The following ENO4 variants were observed in gnomAD, a reference collection of about 807,000 sequenced individuals.
The protein encoded by ENO4 is 2-phospho-D-glycerate hydro-lyase.
A neutral mutation model predicts 63.2 loss-of-function variants in ENO4; 53 were observed. The observed-to-expected ratio is 0.84, with a 90% CI of 0.67 to 1.05. The LOEUF (loss-of-function observed/expected upper bound fraction) is 1.05, where lower values mean the gene tolerates loss of function less well. Ranked by LOEUF, ENO4 falls within the 50% of genes least tolerant of loss-of-function variation. The pLI is 0.00. For synonymous variants in ENO4, 266 were observed against 283.8 expected, an observed-to-expected ratio of 0.94 and a Z score of 0.63; for missense variants, 719 against 772.0, an observed-to-expected ratio of 0.93 and a Z score of 0.81.
At chr10:116,865,069 A>G (rs1846515938) in intron 7 of ENO4, among the ~76,000 whole-genome samples, 1 of 152,200 alleles carries the variant, frequency 6.6e-6, no homozygotes, top group South Asian at 2.1e-4. Context: ...TTAAAATAAT[A>G]CAACAAATTA....
intron 9 of ENO4, among the ~76,000 whole-genome samples, chr10:116,872,949 A>G (rs1846736775): frequency 6.6e-6 from 1 of 152,154 alleles, no homozygotes; most frequent in Non-Finnish European, 1.5e-5. Context: ...TATTCTTCAC[A>G]TAATGATTGG....
chr10:116,911,626 T>C (rs1242215375), exon 11 of ENO4: 2 of 1,554,828 alleles, frequency 1.3e-6, no homozygotes, highest in Non-Finnish European at 8.7e-7. Flanking sequence ...TATTAACATA[T>C]GTGATGGAGC....
intron 10 of ENO4, among the ~76,000 whole-genome samples, chr10:116,899,506 G>GGTGTGTGTGTGTGTGTGTGTGTGT (rs370396879): frequency 8.9e-4 from 111 of 124,570 alleles, no homozygotes; most frequent in African/African-American, 3.0e-3. Flanking sequence ...GGCTGGGGCT[G>GGTGTGTGTGTGTGTGTGTGTGTGT]GTGTGTGTGT....
At chr10:116,871,085 GTGC>G (rs1393940994) in intron 8 of ENO4, 37 bp from the exon 9 acceptor site, 1 of 1,536,752 alleles carries the variant, frequency 6.5e-7, no homozygotes, top group African/African-American at 1.4e-5. Context: ...GAACCTTAAT[GTGC>G]TGTATTGACA....
intron 10 of ENO4, chr10:116,901,158 A>C: frequency 1.0e-6 from 1 of 985,424 alleles, no homozygotes; most frequent in South Asian, 4.7e-5. Context: ...GACTAATTTC[A>C]AAAAAGAGCT....
At chr10:116,881,056 AC>A (rs1027089819) in intron 13 of ENO4, among the ~76,000 whole-genome samples, 1 of 151,964 alleles carries the variant, frequency 6.6e-6, no homozygotes, top group Non-Finnish European at 1.5e-5. Context: ...AAATCTCTCC[AC>A]TCCCACTTTA....
chr10:116,874,252 TAGGC>T (rs1846772461), intron 10 of ENO4, 51 bp downstream of exon 10: 31 of 1,371,894 alleles, frequency 2.3e-5, no homozygotes, highest in Non-Finnish European at 3.0e-5. Context: ...TGCCATAAGA[TAGGC>T]AGGACTCACC....
At chr10:116,900,045 C>A (rs985768135) in intron 10 of ENO4, among the ~76,000 whole-genome samples, 1 of 152,172 alleles carries the variant, frequency 6.6e-6, no homozygotes, top group Non-Finnish European at 1.5e-5. Context: ...ATTACCTATA[C>A]ATACACAGAA....
In ENO4 at chr10:116,849,578, A is replaced by C. The variant is rs1427580461; in HGVS notation, c.12A>C (p.Glu4Asp). The change falls in exon 1 of 14, where the codon GAA (glutamate) becomes GAC (aspartate). Residue 4 changes from glutamate (E) to aspartate (D), a missense_variant. By Grantham distance (45) the Glu-to-Asp change is conservative (BLOSUM62 2). Transcript: ENST00000341276. ...TTAAATCTCCTACCATGGAGGAAGAAGGCGGCGGCCGCAGCTGTGGGACCA... is the reference window on the plus strand; with the variant it reads ...TTAAATCTCCTACCATGGAGGAAGACGGCGGCGGCCGCAGCTGTGGGACCA... Reference protein sequence around the residue: MEEEGGGRSCGTTR... With the variant: MEEDGGGRSCGTTR... 1.3e-6 allele frequency: 2 copies of C among 1,543,568 alleles called. No homozygotes were observed. The highest frequency in any genetic ancestry group is 1.7e-6 in the Non-Finnish European group (2 of 1,143,854).
chr10:116,911,551 A>G, exon 11 of ENO4: 1 of 1,550,710 alleles, frequency 6.4e-7, no homozygotes, highest in Non-Finnish European at 8.7e-7. Flanking sequence ...AACAGGAAAC[A>G]ATGACTTTGG....
intron 1 of ENO4, among the ~76,000 whole-genome samples, chr10:116,854,758 C>T (rs1161442575): frequency 6.6e-6 from 1 of 150,810 alleles, no homozygotes; most frequent in Non-Finnish European, 1.5e-5. Context: ...GCCTGAGCAA[C>T]ATAATAAGAT....
At chr10:116,872,133 G>T (rs1240122401) in intron 9 of ENO4, among the ~76,000 whole-genome samples, 1 of 152,132 alleles carries the variant, frequency 6.6e-6, no homozygotes, top group Non-Finnish European at 1.5e-5. Flanking sequence ...GGAGGCGGAG[G>T]TTGCAGTGAG....
At chr10:116,875,904 G>A (rs1288089129) in intron 10 of ENO4, among the ~76,000 whole-genome samples, 161 bp from the exon 11 acceptor site, 3 of 152,192 alleles carry the variant, frequency 2.0e-5, no homozygotes, top group African/African-American at 7.2e-5. Context: ...TTCTTAGTTT[G>A]TGTGGCTGTG....
chr10:116,878,742 C>CTTTTT lies in ENO4; in HGVS notation c.1538-535_1538-531dup, dbSNP rs10635577. On this transcript the variant is annotated intron_variant, in intron 11 of 13. Coordinates refer to ENST00000341276, the MANE Select transcript of ENO4 (RefSeq NM_001242699.2). Reference sequence around the variant, plus strand: ...ATAGTGCATTTTACAAATCATATATCTTTTTTTTTTTTTTTTTTGAGACGG... The same window carrying CTTTTT: ...ATAGTGCATTTTACAAATCATATATCTTTTTTTTTTTTTTTTTTTTTTTGAGACGG... Among the ~76,000 whole-genome samples, 402 of 114,312 alleles carry CTTTTT rather than the reference C, an allele frequency of 3.5e-3. 21 individuals are homozygous for CTTTTT. The highest frequency in any genetic ancestry group is 5.6e-3 in the Admixed American group (51 of 9,116). The allele number at this position is 114,312 out of a possible 152,430, so 75.0% of individuals were successfully genotyped here.
In ENO4 at chr10:116,859,212, C is replaced by T. The variant is rs907317806; in HGVS notation, c.634+74C>T. 2.8e-6 allele frequency: 4 copies of T among 1,419,190 alleles called. No homozygotes were observed. In the African/African-American group the frequency reaches 5.7e-5, roughly 20 times the overall value. The allele number at this position is 1,419,190 out of a possible 1,614,324, so 87.9% of individuals were successfully genotyped here. On this transcript the variant is annotated intron_variant, in intron 4 of 13. Coordinates refer to ENST00000341276, the MANE Select transcript of ENO4 (RefSeq NM_001242699.2). Reference sequence around the variant, plus strand: ...GAAGAAAGGCTGAAGCCTGGACTGCCTTTCTGAGTCTCTTGGCTACAGGCC... The same window carrying T: ...GAAGAAAGGCTGAAGCCTGGACTGCTTTTCTGAGTCTCTTGGCTACAGGCC...
chr10:116,864,645 G>C (rs1326560583), intron 7 of ENO4, among the ~76,000 whole-genome samples: 1 of 152,060 alleles, frequency 6.6e-6, no homozygotes, highest in African/African-American at 2.4e-5. Context: ...CCTACAGACT[G>C]CCACCCTCAG....
chr10:116,876,119 A>C lies in ENO4; in HGVS notation c.1396A>C (p.Ile466Leu). ...CGCACTTGGTTCCAGGTGTTACATAATTGCAGGAACTGCTTCCAAAAGCAT... is the reference window on the plus strand; with the variant it reads ...CGCACTTGGTTCCAGGTGTTACATACTTGCAGGAACTGCTTCCAAAAGCAT... ...YHALGSRCYIIAGTASKSISK... is the reference protein window; with the variant it reads ...YHALGSRCYILAGTASKSISK... Residue 466 changes from isoleucine (I) to leucine (L), a missense_variant, in exon 11 of 14, where the codon ATT becomes CTT. Coordinates refer to ENST00000341276, the MANE Select transcript of ENO4 (RefSeq NM_001242699.2). 6.4e-7 allele frequency: 1 copy of C among 1,550,882 alleles called. No individual in the cohort carries two copies. Among genetic ancestry groups the C allele is most frequent in the Non-Finnish European group, 8.7e-7 (1 of 1,147,026 alleles).
At chr10:116,883,916 C>T (rs1169068118), downstream of ENO4, 2 of 200,236 alleles carry the variant, frequency 1.0e-5, no homozygotes, top group African/African-American at 4.8e-5. Flanking sequence ...TCTTATTCTT[C>T]CAGAAAAAAA....
At chr10:116,900,295 C>T in intron 10 of ENO4, 2 of 537,534 alleles carry the variant, frequency 3.7e-6, no homozygotes, top group Non-Finnish European at 6.6e-6. Context: ...GAATGTGTCT[C>T]TTAAGCAGTC....
Sources: gnomAD v4.1 joint callset for allele counts (sites outside exome capture counted in the v4.1 genomes callset) on GRCh38, gnomAD v4.1.1 for gene constraint, MANE v1.5 for transcripts, NCBI Gene and HGNC (gene_info 2026-07-23, HGNC 2026-07-21) for gene names.